Variants in KSR1 observed in about 807,000 individuals in gnomAD.
KSR1 encodes kinase suppressor of ras 1, also known as kinase suppressor of ras.
In KSR1, 35 loss-of-function variants were observed where a neutral mutation model predicts 92.9. The ratio of observed to expected loss-of-function variants is 0.38; its 90% CI spans 0.29 to 0.50. The LOEUF is 0.50. KSR1 is among the 20% of genes least tolerant of loss of function. The pLI, the probability that KSR1 is intolerant of heterozygous loss-of-function variation, is 0.94. For missense variants in KSR1, 972 were observed against 1,158.5 expected (o/e 0.84, Z 2.34); for synonymous variants, 467 against 472.6 (o/e 0.99, Z 0.15).
chr17:27,566,010 C>T (rs2072046378), intron 2 of KSR1, among the ~76,000 whole-genome samples: 3 of 152,134 alleles, frequency 2.0e-5, no homozygotes, highest in Non-Finnish European at 4.4e-5. Flanking sequence ...TAGGGTTCTT[C>T]CTGTTGGTCT....
At chr17:27,496,622 G>T (rs1462699168) in intron 1 of KSR1, among the ~76,000 whole-genome samples, 1 of 152,196 alleles carries the variant, frequency 6.6e-6, no homozygotes, top group East Asian at 1.9e-4. Context: ...GAATTGGGTT[G>T]GGACTGTGGG....
chr17:27,483,385 C>G (rs1361596053), intron 1 of KSR1, among the ~76,000 whole-genome samples: 1 of 151,904 alleles, frequency 6.6e-6, no homozygotes, highest in Non-Finnish European at 1.5e-5. Flanking sequence ...GTCGGGAGTT[C>G]GAGACCAGCC....
At chr17:27,496,418 C>T (rs2068987126) in intron 1 of KSR1, among the ~76,000 whole-genome samples, 1 of 152,160 alleles carries the variant, frequency 6.6e-6, no homozygotes, top group Admixed American at 6.5e-5. Context: ...GATAATTTGC[C>T]GCCCCCTTTC....
In KSR1 at chr17:27,583,007, C is replaced by T; in HGVS notation, c.882C>T (p.Arg294=). 6.2e-7 allele frequency: 1 copy of T among 1,610,536 alleles called. No individual in the cohort carries two copies. Reference sequence around the variant, plus strand: ...CACGGACGCCCCCCCCACCCAGCCGCAAGGTCTTCCAGCTGCTGCCCAGCT... The same window carrying T: ...CACGGACGCCCCCCCCACCCAGCCGTAAGGTCTTCCAGCTGCTGCCCAGCT... ...KPPRTPPPPS[R]KVFQLLPSFP... is the part of the protein sequence containing the mutation. Residue 294 remains arginine (R), a synonymous_variant, in exon 4 of 21, where the codon CGC becomes CGT. Coordinates refer to ENST00000644974, the MANE Select transcript of KSR1 (RefSeq NM_001394583.1).
intron 1 of KSR1, among the ~76,000 whole-genome samples, chr17:27,471,307 A>G (rs2019987235): frequency 6.6e-6 from 1 of 152,220 alleles, no homozygotes; most frequent in African/African-American, 2.4e-5. Flanking sequence ...CCAAACAGAC[A>G]GACGTGCTCT....
intron 1 of KSR1, among the ~76,000 whole-genome samples, chr17:27,544,500 A>G (rs1457644964): frequency 6.6e-6 from 1 of 152,190 alleles, no homozygotes; most frequent in Non-Finnish European, 1.5e-5. Flanking sequence ...TATCGGTAGC[A>G]CCCACCAACT....
chr17:27,592,200 A>G (rs1018261261), intron 7 of KSR1, among the ~76,000 whole-genome samples, 161 bp from the exon 8 acceptor site: 2 of 152,104 alleles, frequency 1.3e-5, no homozygotes, highest in Non-Finnish European at 2.9e-5. Context: ...AGCAGCTGCT[A>G]TTACTATTAA....
At chr17:27,604,536 C>T in intron 12 of KSR1, 144 bp from the exon 13 acceptor site, 1 of 740,988 alleles carries the variant, frequency 1.3e-6, no homozygotes, top group Non-Finnish European at 2.3e-6. Context: ...CTGCCTATTG[C>T]CATGCTATCC....
In KSR1 at chr17:27,577,156, C is replaced by T. The variant is rs1319064327; in HGVS notation, c.373-336C>T. On this transcript the variant is annotated intron_variant, in intron 2 of 20. Transcript: ENST00000644974. This position sits in a 1 kb window ranked among gnomAD's most constrained non-coding sequence, Gnocchi z 4.5. The stretch of plus-strand genomic sequence containing the variant: ...AAGGGCCATCTTTGTCTGAAGTACT[C>T]GTCATTCTAAAAAGTTGTTATGACT... Among the ~76,000 whole-genome samples, 1 of 151,992 alleles carries T rather than the reference C, an allele frequency of 6.6e-6. No individual in the cohort carries two copies. The highest frequency in any genetic ancestry group is 6.6e-5 in the Admixed American group (1 of 15,250).
intron 3 of KSR1, chr17:27,580,016 CTG>C (rs1423932684): frequency 6.7e-6 from 1 of 148,316 alleles, no homozygotes; most frequent in African/African-American, 2.5e-5. Flanking sequence ...ACAGATGTTT[CTG>C]TGTGACTGTA....
In KSR1 at chr17:27,563,981, CTTTTTTT is replaced by C. The variant is rs200904358; in HGVS notation, c.372+13292_372+13298del. 4.1e-3 allele frequency among the ~76,000 whole-genome samples: 192 copies of C among 46,896 alleles called. 1 individual carries two copies. Among genetic ancestry groups the C allele is most frequent in the South Asian group, 6.1e-3 (5 of 822 alleles). 30.8% of individuals were successfully genotyped at this position (46,896 alleles called of 152,430 possible). On this transcript the variant is annotated intron_variant, in intron 2 of 20. Coordinates refer to ENST00000644974, the MANE Select transcript of KSR1 (RefSeq NM_001394583.1). ...TATTTGTACAGTTGGTATTCGGTAG[CTTTTTTT>C]TTTTTTTTTTTTTTTTTTGAGATGG...
In KSR1 at chr17:27,582,898, G is replaced by C; in HGVS notation, c.773G>C (p.Gly258Ala). 1 of 1,612,690 alleles carries C rather than the reference G, an allele frequency of 6.2e-7. No homozygotes were observed. ...ACCTGTATTCCCCTGCACGCCAGCG[G>C]CCGGCTGACCCCCCGTGCCCTGCAC... ...SDTCIPLHAS[G>A]RLTPRALHSF... The change falls in exon 4 of 21, where the codon GGC becomes GCC. Residue 258 changes from glycine to alanine, a missense_variant. Around this residue, in one of 5 missense-constraint regions of KSR1, gnomAD observed 611 missense variants for 668.0 expected, o/e 0.91. Transcript: ENST00000644974.
chr17:27,504,843 C>T (rs1339258901), intron 1 of KSR1, among the ~76,000 whole-genome samples: 2 of 152,198 alleles, frequency 1.3e-5, no homozygotes, highest in Non-Finnish European at 2.9e-5. Context: ...TGCCAGGAGC[C>T]GGCTTATCCT....
chr17:27,497,662 C>T (rs1429529007), intron 1 of KSR1, among the ~76,000 whole-genome samples: 1 of 152,198 alleles, frequency 6.6e-6, no homozygotes, highest in Non-Finnish European at 1.5e-5. Context: ...ATACTAGTGT[C>T]TCCTTTATGG....
chr17:27,482,747 C>G (rs1345466621), intron 1 of KSR1, among the ~76,000 whole-genome samples: 1 of 152,070 alleles, frequency 6.6e-6, no homozygotes, highest in Admixed American at 6.5e-5. Context: ...AAACAGGTTA[C>G]CAAACAGTAT....
intron 1 of KSR1, among the ~76,000 whole-genome samples, chr17:27,496,960 G>A (rs2069009408): frequency 6.6e-6 from 1 of 152,194 alleles, no homozygotes; most frequent in African/African-American, 2.4e-5. Flanking sequence ...AGTTTTAAAA[G>A]CTCACATTTG....
At chr17:27,616,964 G>A (rs1029470145) in intron 18 of KSR1, among the ~76,000 whole-genome samples, 5 of 152,118 alleles carry the variant, frequency 3.3e-5, no homozygotes, top group Admixed American at 6.5e-5. Context: ...GTTGTACCTT[G>A]CACTTTGCAT....
intron 6 of KSR1, among the ~76,000 whole-genome samples, chr17:27,588,858 T>G (rs1438799506): frequency 6.6e-6 from 1 of 152,116 alleles, no homozygotes; most frequent in Non-Finnish European, 1.5e-5. Context: ...CTTCCCTACA[T>G]CCAGTGCGAT....
chr17:27,563,152 C>T (rs1043340591), intron 2 of KSR1, among the ~76,000 whole-genome samples: 1 of 152,212 alleles, frequency 6.6e-6, no homozygotes, highest in South Asian at 2.1e-4. Flanking sequence ...CCCATTCGCT[C>T]CCTATATCCA....
Sources: gnomAD v4.1 joint callset for allele counts (sites outside exome capture counted in the v4.1 genomes callset) on GRCh38, gnomAD v4.1.1 for gene constraint, gnomAD v4.1.1 regional missense constraint, Gnocchi (gnomAD v3.1) non-coding constraint, MANE v1.5 for transcripts, NCBI Gene and HGNC (gene_info 2026-07-23, HGNC 2026-07-21) for gene names.